ACAP2: variants seen among roughly 807,000 people sequenced by gnomAD.
ACAP2 encodes the protein arf-GAP with coiled-coil, ANK repeat and PH domain-containing protein 2.
In ACAP2, 39 loss-of-function variants were observed where a neutral mutation model predicts 115.8. That is an observed-to-expected ratio of 0.34 (90% CI 0.26 to 0.44). The LOEUF is 0.44. ACAP2 is among the 20% of genes least tolerant of loss of function. ACAP2 has a pLI of 1.00. For synonymous variants in ACAP2, 289 were observed against 315.8 expected (o/e 0.92, Z 0.90); for missense variants, 662 against 927.6 (o/e 0.71, Z 3.72).
intron 1 of ACAP2, among the ~76,000 whole-genome samples, chr3:195,400,517 A>C (rs1712197321): frequency 6.6e-6 from 1 of 152,142 alleles, no homozygotes; most frequent in Non-Finnish European, 1.5e-5. Context: ...TAAAAAAAAA[A>C]AAAACCTCTT....
chr3:195,347,608 T>C (rs1731267265), intron 4 of ACAP2, among the ~76,000 whole-genome samples: 1 of 152,236 alleles, frequency 6.6e-6, no homozygotes, highest in Non-Finnish European at 1.5e-5. Flanking sequence ...TAATGATCCA[T>C]ATCTTAAAAA....
intron 18 of ACAP2, among the ~76,000 whole-genome samples, chr3:195,293,176 T>A (rs985528371): frequency 6.6e-6 from 1 of 152,188 alleles, no homozygotes; most frequent in Non-Finnish European, 1.5e-5. Flanking sequence ...ATTGAGTATA[T>A]TCCTAAATGT....
Position 195,294,721 on chromosome 3 carries a change from G to T in ACAP2, c.1763C>A (p.Pro588His). 13 of 1,590,756 alleles carry T rather than the reference G, an allele frequency of 8.2e-6. No individual in the cohort carries two copies. The highest frequency in any genetic ancestry group is 1.1e-5 in the Non-Finnish European group (13 of 1,163,790). ...STVSANSLYE[P>H]EGERQDSSMF... is the part of the protein sequence containing the mutation. ...CATTGAGTTTCATCAGAACTCACCA[G>T]GCTCATATAAACTATTGGCTGACAC... Residue 588 changes from proline (P) to histidine (H), a missense_variant and splice_region_variant, in exon 18 of 23, where the codon CCT (proline) becomes CAT (histidine). Coordinates refer to ENST00000326793, the MANE Select transcript of ACAP2 (RefSeq NM_012287.6).
intron 4 of ACAP2, among the ~76,000 whole-genome samples, chr3:195,368,855 G>T (rs927278284): frequency 6.6e-6 from 1 of 152,138 alleles, no homozygotes; most frequent in African/African-American, 2.4e-5. Flanking sequence ...AGGCCAAGGC[G>T]GGTGAATCAC....
At chr3:195,285,677 A>C in intron 22 of ACAP2, 119 bp downstream of exon 22, 1 of 811,394 alleles carries the variant, frequency 1.2e-6, no homozygotes, top group Non-Finnish European at 1.9e-6. Context: ...GGGTTATAAA[A>C]ACTCTATAGT....
intron 5 of ACAP2, among the ~76,000 whole-genome samples, chr3:195,343,519 G>A (rs1195669798): frequency 1.3e-5 from 2 of 152,110 alleles, no homozygotes; most frequent in Non-Finnish European, 2.9e-5. Flanking sequence ...TTAAAGTCCT[G>A]GGCTCAAGCG....
chr3:195,308,901 T>C, intron 10 of ACAP2, 64 bp from the exon 11 acceptor site: 1 of 1,441,696 alleles, frequency 6.9e-7, no homozygotes, highest in Non-Finnish European at 9.6e-7. Context: ...TTGTTAGAAA[T>C]GAAATATTTG....
chr3:195,424,246 T>G (rs1283822498), intron 1 of ACAP2, among the ~76,000 whole-genome samples: 52 of 74,770 alleles, frequency 7.0e-4, no homozygotes, highest in African/African-American at 2.4e-3. Context: ...GTGTGTGTGG[T>G]GTGTGTGTGT....
chr3:195,297,132 G>T, intron 16 of ACAP2, 58 bp downstream of exon 16: 1 of 1,443,192 alleles, frequency 6.9e-7, no homozygotes, highest in Non-Finnish European at 9.7e-7. Flanking sequence ...AATTACTACA[G>T]TGAAATAAAA....
intron 9 of ACAP2, among the ~76,000 whole-genome samples, chr3:195,324,209 A>C (rs1729627911): frequency 6.6e-6 from 1 of 152,232 alleles, no homozygotes; most frequent in Non-Finnish European, 1.5e-5. Context: ...TTAGTCACTA[A>C]AGAAGTCACT....
At position 195,316,871 on chromosome 3, in the gene ACAP2, T is replaced by C. The variant is rs557902624; in HGVS notation, c.857+3830A>G. Among the ~76,000 whole-genome samples the C allele has an allele frequency of 1.5e-4, 23 of 150,074 alleles. 1 individual carries two copies. The South Asian group carries it at 4.7e-3, about 30-fold the overall frequency. On this transcript the variant is annotated intron_variant, in intron 10 of 22. Transcript: ENST00000326793. The stretch of plus-strand genomic sequence containing the variant: ...GCTGGGGAAATGCTCAATAAATCAC[T>C]GACTTTCAGAAATGTCAGTGAATTT...
At chr3:195,338,821 A>G (rs12488562) in intron 6 of ACAP2, among the ~76,000 whole-genome samples, 3,273 of 152,252 alleles carry the variant, frequency 0.021, 116 homozygotes, top group East Asian at 0.1. Flanking sequence ...AGATTATACA[A>G]TATCTTTTTA....
chr3:195,314,055 AAAT>A (rs1039961962), intron 10 of ACAP2, among the ~76,000 whole-genome samples: 4 of 152,148 alleles, frequency 2.6e-5, no homozygotes, highest in African/African-American at 9.7e-5. Flanking sequence ...GCATCATACA[AAAT>A]ATTATCTATT....
At chr3:195,337,075 G>T in intron 6 of ACAP2, 99 bp from the exon 7 acceptor site, 6 of 1,109,416 alleles carry the variant, frequency 5.4e-6, no homozygotes, top group East Asian at 2.7e-5. Flanking sequence ...AATACTTTTC[G>T]AAAAAGCAAA....
At chr3:195,406,796 CT>C (rs1051805082) in intron 1 of ACAP2, among the ~76,000 whole-genome samples, 29 of 152,246 alleles carry the variant, frequency 1.9e-4, no homozygotes, top group African/African-American at 6.7e-4. Flanking sequence ...TAGTCATGAA[CT>C]TACCTTCATA....
rs754188141 is a variant in ACAP2 at position 195,306,549 on chromosome 3, T to C, written c.1078A>G (p.Ile360Val). The change falls in exon 13 of 23, where the codon ATT (isoleucine) becomes GTT (valine). Residue 360 changes from isoleucine to valine, a missense_variant. Ile to Val is a conservative substitution (Grantham distance 29, BLOSUM62 3). This residue lies in a region of ACAP2 where 401 missense variants were observed against 604.4 expected (regional missense o/e 0.66). Transcript: ENST00000326793. ...CCCTTCTCTCTATAAGCAGTAGCAA[T>C]ACTGGTCTGAACAGCCTTAATCCAT... ...QAWIKAVQTSIATAYREKGDE... is the reference protein window; with the variant it reads ...QAWIKAVQTSVATAYREKGDE... 1.2e-6 allele frequency: 2 copies of C among 1,613,308 alleles called. No homozygotes were observed. Among genetic ancestry groups the C allele is most frequent in the Non-Finnish European group, 1.7e-6 (2 of 1,179,638 alleles).
intron 1 of ACAP2, among the ~76,000 whole-genome samples, chr3:195,421,009 C>A (rs575340341): frequency 1.3e-5 from 2 of 152,078 alleles, no homozygotes; most frequent in Non-Finnish European, 2.9e-5. Context: ...TTATAGACAG[C>A]CAATGGAAAA....
intron 15 of ACAP2, among the ~76,000 whole-genome samples, chr3:195,300,616 C>G (rs1029302991): frequency 2.0e-5 from 3 of 152,106 alleles, no homozygotes; most frequent in Non-Finnish European, 4.4e-5. Context: ...CTGAAACAAC[C>G]CAATGGTGTC....
chr3:195,415,863 A>G (rs1339784744), intron 1 of ACAP2, among the ~76,000 whole-genome samples: 2 of 152,106 alleles, frequency 1.3e-5, no homozygotes, highest in African/African-American at 2.4e-5. Context: ...TTTTAGGATG[A>G]AAAAAACGCT....
Sources: allele counts gnomAD v4.1 joint callset (sites outside exome capture counted in the v4.1 genomes callset), GRCh38; gene constraint gnomAD v4.1.1; regional missense constraint gnomAD v4.1.1; transcripts MANE v1.5; gene names NCBI Gene and HGNC (gene_info 2026-07-23, HGNC 2026-07-21).